The following BRINP3 variants were observed in gnomAD, a reference collection of about 807,000 sequenced individuals.
BRINP3 encodes BMP/retinoic acid-inducible neural-specific protein 3.
In BRINP3, 19 loss-of-function variants were observed where a neutral mutation model predicts 71.0. The observed-to-expected ratio is 0.27, with a 90% confidence interval of 0.19 to 0.39. The LOEUF is 0.39. Ranked by LOEUF, BRINP3 falls within the 10% of genes least tolerant of loss-of-function variation. The probability of loss-of-function intolerance (pLI) is 1.00; values close to 1 mark genes in which losing one functional copy is unlikely to be tolerated. For missense variants in BRINP3, 959 were observed against 940.8 expected, an observed-to-expected ratio of 1.02 and a Z score of -0.25; for synonymous variants, 380 against 337.7, an observed-to-expected ratio of 1.13 and a Z score of -1.37.
chr1:190,373,680 T>A (rs951866984), intron 2 of BRINP3, among the ~76,000 whole-genome samples: 3 of 151,804 alleles, frequency 2.0e-5, no homozygotes, highest in African/African-American at 7.3e-5. Context: ...GAGTTTTTGA[T>A]GTCAACATTC....
chr1:190,230,824 A>G (rs1657904204), intron 5 of BRINP3, among the ~76,000 whole-genome samples: 1 of 151,602 alleles, frequency 6.6e-6, no homozygotes, highest in African/African-American at 2.4e-5. Context: ...CCAAGTCATT[A>G]TTTCATTCGA....
chr1:190,238,619 C>A (rs186719169), intron 4 of BRINP3, among the ~76,000 whole-genome samples: 1,556 of 152,202 alleles, frequency 0.01, 19 homozygotes, highest in Non-Finnish European at 0.016. Flanking sequence ...TATAAGCATA[C>A]AAAGCCAGAC....
intron 1 of BRINP3, among the ~76,000 whole-genome samples, chr1:190,464,205 C>A (rs2102676141): frequency 6.6e-6 from 1 of 150,440 alleles, no homozygotes; most frequent in Middle Eastern, 3.5e-3. Context: ...GTATTTAATT[C>A]CAAGCATCAA....
rs567175109 is a variant in BRINP3, at chr1:190,293,717, C to T, written c.237-11967G>A. On this transcript the variant is annotated intron_variant, in intron 2 of 7. Transcript: ENST00000367462. ...GGGTGTTGTGGTATTAGTACACAAA[C>T]ATTTACTATCATTATATCCTGTTAC... 1.6e-4 allele frequency among the ~76,000 whole-genome samples: 24 copies of T among 152,234 alleles called. No individual in the cohort carries two copies. In the South Asian group the frequency reaches 3.1e-3, roughly 20 times the overall value.
intron 2 of BRINP3, among the ~76,000 whole-genome samples, chr1:190,300,988 G>A (rs1318091542): frequency 1.3e-5 from 2 of 151,744 alleles, no homozygotes; most frequent in Middle Eastern, 3.4e-3. Context: ...TGAGCTACGG[G>A]AGGACATTCA....
intron 6 of BRINP3, among the ~76,000 whole-genome samples, chr1:190,211,669 T>C (rs1370020232): frequency 6.6e-6 from 1 of 152,060 alleles, no homozygotes; most frequent in Non-Finnish European, 1.5e-5. Context: ...ATGGCACTGA[T>C]CTAAACAGAG....
chr1:190,309,215 T>C (rs1384947188), intron 2 of BRINP3, among the ~76,000 whole-genome samples: 1 of 151,808 alleles, frequency 6.6e-6, no homozygotes, highest in East Asian at 1.9e-4. Flanking sequence ...AAAAATATTG[T>C]ATGATTCCAC....
chr1:190,119,490 G>T (rs1190459695), intron 7 of BRINP3, among the ~76,000 whole-genome samples: 1 of 152,060 alleles, frequency 6.6e-6, no homozygotes, highest in East Asian at 1.9e-4. Flanking sequence ...TGGTCGGGGG[G>T]TCTTGAAAGT....
At chr1:190,200,155 T>C (rs1429122441) in intron 6 of BRINP3, among the ~76,000 whole-genome samples, 1 of 152,132 alleles carries the variant, frequency 6.6e-6, no homozygotes, top group Non-Finnish European at 1.5e-5. Context: ...CTTATTTATA[T>C]TGGAATTTGT....
intron 2 of BRINP3, among the ~76,000 whole-genome samples, chr1:190,451,932 T>A (rs1675634303): frequency 6.6e-6 from 1 of 152,198 alleles, no homozygotes; most frequent in South Asian, 2.1e-4. Context: ...AGGTTTGATA[T>A]GTTTTACATT....
chr1:190,295,661 G>A (rs1664191800), intron 2 of BRINP3, among the ~76,000 whole-genome samples: 1 of 152,078 alleles, frequency 6.6e-6, no homozygotes, highest in African/African-American at 2.4e-5. Context: ...TGCCTCTTCT[G>A]TGGGCGCCAG....
chr1:190,273,244 G>A (rs573063365), intron 3 of BRINP3, among the ~76,000 whole-genome samples: 1 of 151,526 alleles, frequency 6.6e-6, no homozygotes, highest in Non-Finnish European at 1.5e-5. Flanking sequence ...AACTGAAATA[G>A]TGTTATTCAA....
intron 5 of BRINP3, 104 bp downstream of exon 5, chr1:190,234,268 A>G: frequency 1.7e-6 from 1 of 600,932 alleles, no homozygotes; most frequent in Non-Finnish European, 2.7e-6. Context: ...AGTTTTTAAT[A>G]GCCTGTATGT....
intron 6 of BRINP3, among the ~76,000 whole-genome samples, chr1:190,206,926 G>A (rs1330384873): frequency 2.0e-5 from 3 of 149,200 alleles, no homozygotes; most frequent in South Asian, 2.1e-4. Flanking sequence ...CCTCCAGAGA[G>A]AAAGAATAAA....
At chr1:190,315,666 G>A (rs552915661) in intron 2 of BRINP3, among the ~76,000 whole-genome samples, 1 of 152,246 alleles carries the variant, frequency 6.6e-6, no homozygotes, top group South Asian at 2.1e-4. Flanking sequence ...TGATAGATGT[G>A]AGGAACCAAT....
In BRINP3 at chr1:190,356,165, T is replaced by A. The variant is rs951399344; in HGVS notation, c.237-74415A>T. Among the ~76,000 whole-genome samples the A allele has an allele frequency of 2.6e-5, 4 of 152,018 alleles. No individual in the cohort carries two copies. The East Asian group carries it at 7.7e-4, about 29-fold the overall frequency. The stretch of plus-strand genomic sequence containing the variant: ...TTTTAAATTTTAATTGAAAATCATA[T>A]GTGCTCTATGAGGAGTACACATTAT... On this transcript the variant is annotated intron_variant, in intron 2 of 7. Transcript: ENST00000367462.
chr1:190,350,237 T>C (rs975395263), intron 2 of BRINP3, among the ~76,000 whole-genome samples: 1 of 152,114 alleles, frequency 6.6e-6, no homozygotes, highest in Non-Finnish European at 1.5e-5. Flanking sequence ...ACAAATCTCC[T>C]TAAATGTAGA....
At chr1:190,171,325 T>A (rs2102497111) in intron 6 of BRINP3, among the ~76,000 whole-genome samples, 1 of 152,262 alleles carries the variant, frequency 6.6e-6, no homozygotes, top group East Asian at 1.9e-4. Context: ...GAGAGAGAAT[T>A]GGTGGAAAAC....
chr1:190,314,404 C>T (rs972950912), intron 2 of BRINP3, among the ~76,000 whole-genome samples: 1 of 152,000 alleles, frequency 6.6e-6, no homozygotes, highest in African/African-American at 2.4e-5. Context: ...AATTACCTGA[C>T]TTTAGAATAC....
Sources: gnomAD v4.1 joint callset for allele counts (sites outside exome capture counted in the v4.1 genomes callset) on GRCh38, gnomAD v4.1.1 for gene constraint, MANE v1.5 for transcripts, NCBI Gene and HGNC (gene_info 2026-07-23, HGNC 2026-07-21) for gene names.